The following SLC25A48 variants were observed in gnomAD, a reference collection of about 807,000 sequenced individuals.
SLC25A48 encodes CTC-321K16.1.
SLC25A48 carries 29 observed loss-of-function variants against 32.2 expected under a neutral mutation model. The ratio of observed to expected loss-of-function variants is 0.90; its 90% CI spans 0.67 to 1.23. The LOEUF is 1.23. Ranked by LOEUF, SLC25A48 falls within the 50% of genes most tolerant of loss-of-function variation. The pLI, the probability that SLC25A48 is intolerant of heterozygous loss-of-function variation, is 0.00. For missense variants in SLC25A48, 399 were observed against 422.7 expected (o/e 0.94, Z 0.49); for synonymous variants, 164 against 172.3 (o/e 0.95, Z 0.38).
At chr5:135,666,082 A>G (rs1753519033) in intron 3 of SLC25A48, among the ~76,000 whole-genome samples, 1 of 152,216 alleles carries the variant, frequency 6.6e-6, no homozygotes, top group South Asian at 2.1e-4. Context: ...GCCATGAACC[A>G]GTGACAGAGG....
At chr5:135,800,530 G>A (rs1275028683) in intron 3 of SLC25A48, among the ~76,000 whole-genome samples, 3 of 151,058 alleles carry the variant, frequency 2.0e-5, no homozygotes, top group South Asian at 2.1e-4. Flanking sequence ...TGTACACCCC[G>A]CCTGTAGTAT....
chr5:135,853,620 C>A (rs1362897488), intron 4 of SLC25A48, among the ~76,000 whole-genome samples: 2 of 152,228 alleles, frequency 1.3e-5, no homozygotes, highest in Non-Finnish European at 2.9e-5. Flanking sequence ...GCCTCTACTT[C>A]TCATTCTAGT....
chr5:135,768,147 G>A (rs1756296329), intron 3 of SLC25A48, among the ~76,000 whole-genome samples: 1 of 139,992 alleles, frequency 7.1e-6, no homozygotes, highest in African/African-American at 2.6e-5. Context: ...ATATCACAGT[G>A]GGGTGTACAC....
chr5:135,766,324 C>A (rs1465541922), intron 3 of SLC25A48, among the ~76,000 whole-genome samples: 1 of 145,888 alleles, frequency 6.9e-6, no homozygotes, highest in South Asian at 2.3e-4. Flanking sequence ...CGGTGGTGTA[C>A]ACCCCCCTGT....
At chr5:135,827,365 G>T (rs1233999867) in intron 4 of SLC25A48, 1 of 152,166 alleles carries the variant, frequency 6.6e-6, no homozygotes, top group African/African-American at 2.4e-5. Flanking sequence ...CTGAGGATGA[G>T]GACTTTAAGA....
intron 1 of SLC25A48, among the ~76,000 whole-genome samples, chr5:135,580,775 G>C (rs1382154813): frequency 6.6e-6 from 1 of 152,088 alleles, no homozygotes; most frequent in Non-Finnish European, 1.5e-5. Context: ...GTAAAATCTT[G>C]GGTGAAATCT....
chr5:135,595,271 G>A (rs1220439261), intron 1 of SLC25A48, among the ~76,000 whole-genome samples: 1 of 152,192 alleles, frequency 6.6e-6, no homozygotes, highest in African/African-American at 2.4e-5. Flanking sequence ...GGGATTGCTT[G>A]CCTAAATCCT....
chr5:135,774,125 T>G (rs4597965), intron 3 of SLC25A48, among the ~76,000 whole-genome samples: 45,858 of 151,300 alleles, frequency 0.3, 7,095 homozygotes, highest in East Asian at 0.46. Context: ...TATCGAAGGG[T>G]GTGTACACCC....
intron 1 of SLC25A48, among the ~76,000 whole-genome samples, chr5:135,596,879 G>A (rs371996305): frequency 6.6e-6 from 1 of 152,142 alleles, no homozygotes; most frequent in East Asian, 1.9e-4. Flanking sequence ...GTGGTGTAGC[G>A]TAATGATTGG....
intron 3 of SLC25A48, among the ~76,000 whole-genome samples, chr5:135,753,685 G>T (rs1755825921): frequency 6.6e-6 from 1 of 151,808 alleles, no homozygotes; most frequent in Admixed American, 6.6e-5. Flanking sequence ...ATATTACAGG[G>T]TGTACACACA....
chr5:135,686,304 C>T (rs1412294737), intron 3 of SLC25A48, among the ~76,000 whole-genome samples: 1 of 152,188 alleles, frequency 6.6e-6, no homozygotes, highest in African/African-American at 2.4e-5. Context: ...TAAATTATGT[C>T]CAAACTGCTA....
chr5:135,798,308 T>C (rs1369056892), intron 3 of SLC25A48, among the ~76,000 whole-genome samples: 1 of 151,814 alleles, frequency 6.6e-6, no homozygotes, highest in Non-Finnish European at 1.5e-5. Context: ...ACTCCCAATA[T>C]CGCAGGTGGT....
chr5:135,716,416 G>A (rs978177574), intron 3 of SLC25A48, among the ~76,000 whole-genome samples: 4 of 152,154 alleles, frequency 2.6e-5, no homozygotes, highest in African/African-American at 9.7e-5. Context: ...TCAAGAAGAG[G>A]GTGAGCCTAT....
intron 3 of SLC25A48, among the ~76,000 whole-genome samples, chr5:135,777,554 T>A (rs11952666): frequency 0.3 from 45,638 of 150,972 alleles, 6,986 homozygotes; most frequent in East Asian, 0.46. Context: ...TTTTTTTTAA[T>A]ATTTAGAAAA....
chr5:135,710,381 G>A (rs1426400097), intron 3 of SLC25A48, among the ~76,000 whole-genome samples: 1 of 152,208 alleles, frequency 6.6e-6, no homozygotes, highest in Non-Finnish European at 1.5e-5. Context: ...GCCATGGATT[G>A]CATGAAAGGG....
At chr5:135,671,994 A>C (rs1278975646) in intron 3 of SLC25A48, among the ~76,000 whole-genome samples, 1 of 151,958 alleles carries the variant, frequency 6.6e-6, no homozygotes, top group Non-Finnish European at 1.5e-5. Context: ...TGGCCTTCCC[A>C]GAGGAATTGG....
Position 135,846,034 on chromosome 5 carries a change from G to A in SLC25A48, c.90+3575G>A, listed in dbSNP as rs113271026. 4.7e-3 allele frequency among the ~76,000 whole-genome samples: 711 copies of A among 152,332 alleles called. 4 individuals carry two copies. Among genetic ancestry groups the A allele is most frequent in the African/African-American group, 0.012 (516 of 41,570 alleles). ...TTAGGAACGGGGCTGCACAGCAGGA[G>A]GTGAGCAGTGGGTAAGTGAGCATTA... On this transcript the variant is annotated intron_variant, in intron 2 of 7. Transcript: ENST00000681962.
At chr5:135,614,644 A>G (rs1009074767) in intron 1 of SLC25A48, among the ~76,000 whole-genome samples, 25 of 152,194 alleles carry the variant, frequency 1.6e-4, no homozygotes, top group Admixed American at 5.2e-4. Context: ...TGAAATGATC[A>G]TATGTTTTTT....
At chr5:135,661,887 C>T (rs1561780040) in intron 3 of SLC25A48, among the ~76,000 whole-genome samples, 1 of 152,210 alleles carries the variant, frequency 6.6e-6, no homozygotes, top group Non-Finnish European at 1.5e-5. Context: ...TCATGCTTCA[C>T]AGATGAACGT....
Sources: allele counts gnomAD v4.1 joint callset (sites outside exome capture counted in the v4.1 genomes callset), GRCh38; gene constraint gnomAD v4.1.1; transcripts MANE v1.5; gene names NCBI Gene and HGNC (gene_info 2026-07-23, HGNC 2026-07-21).